SAMD12: variants seen among roughly 807,000 people sequenced by gnomAD.
The protein encoded by SAMD12 is sterile alpha motif domain containing 12.
Under a neutral mutation model 15.0 loss-of-function variants are expected in SAMD12, and 9 were observed. That is an observed-to-expected ratio of 0.60 (90% CI 0.36 to 1.05). The LOEUF (loss-of-function observed/expected upper bound fraction) is 1.05, where lower values mean the gene tolerates loss of function less well. Among genes scored for constraint, SAMD12 ranks in the 50% least tolerant of loss-of-function variants. The pLI is 0.01. For missense variants in SAMD12, 230 were observed against 234.2 expected, an observed-to-expected ratio of 0.98 and a Z score of 0.12; for synonymous variants, 86 against 90.1, an observed-to-expected ratio of 0.96 and a Z score of 0.25.
At chr8:118,190,742 C>T (rs1586325473) in exon 5 of SAMD12, 2 of 152,272 alleles carry the variant, frequency 1.3e-5, no homozygotes, top group Middle Eastern at 3.4e-3. Context: ...CTCATTTTAG[C>T]CTCCAAACAA....
intron 4 of SAMD12, among the ~76,000 whole-genome samples, chr8:118,366,149 A>G (rs1430095086): frequency 6.6e-6 from 1 of 152,202 alleles, no homozygotes; most frequent in Non-Finnish European, 1.5e-5. Context: ...ACCTCTCTAG[A>G]GCTCTTAACA....
intron 2 of SAMD12, among the ~76,000 whole-genome samples, chr8:118,468,145 A>T (rs1419335508): frequency 6.6e-6 from 1 of 152,216 alleles, no homozygotes; most frequent in African/African-American, 2.4e-5. Flanking sequence ...CCCTAGCACA[A>T]GAAGTATATA....
At chr8:118,269,936 C>T (rs181696181) in intron 4 of SAMD12, among the ~76,000 whole-genome samples, 1 of 152,272 alleles carries the variant, frequency 6.6e-6, no homozygotes, top group African/African-American at 2.4e-5. Flanking sequence ...ATAGTCATAT[C>T]TCATCTGTGC....
At chr8:118,297,741 T>C (rs564176767) in intron 4 of SAMD12, among the ~76,000 whole-genome samples, 17 of 152,184 alleles carry the variant, frequency 1.1e-4, no homozygotes, top group Non-Finnish European at 2.2e-4. Flanking sequence ...ATATGGATTC[T>C]CTAAAATGTT....
At chr8:118,242,273 G>T (rs1321492867) in intron 4 of SAMD12, among the ~76,000 whole-genome samples, 1 of 151,918 alleles carries the variant, frequency 6.6e-6, no homozygotes, top group African/African-American at 2.4e-5. Context: ...AGGAACTGAA[G>T]AAAGAAAGTT....
chr8:118,546,844 G>C (rs1381878081), intron 2 of SAMD12, among the ~76,000 whole-genome samples: 1 of 152,146 alleles, frequency 6.6e-6, no homozygotes, highest in Non-Finnish European at 1.5e-5. Context: ...TTGGTGCCTG[G>C]AAGAGAACAG....
intron 4 of SAMD12, among the ~76,000 whole-genome samples, chr8:118,199,971 C>G (rs1819666977): frequency 6.6e-6 from 1 of 152,130 alleles, no homozygotes; most frequent in African/African-American, 2.4e-5. Context: ...GTGGGGAGAA[C>G]CCGGTGGGAG....
At chr8:118,320,904 C>A (rs1468541802) in intron 4 of SAMD12, among the ~76,000 whole-genome samples, 3 of 147,950 alleles carry the variant, frequency 2.0e-5, no homozygotes, top group Non-Finnish European at 4.5e-5. Context: ...GAAATAATAC[C>A]ATATTTGGAA....
In SAMD12 at chr8:118,348,134, C is replaced by T. The variant is rs567924218; in HGVS notation, c.433+31426G>A. Among the ~76,000 whole-genome samples the T allele has an allele frequency of 7.2e-5, 11 of 152,002 alleles. No individual in the cohort carries two copies. The East Asian group carries it at 7.8e-4, about 11-fold the overall frequency. ...ATCTGTGGCCCAGGCTGGAGTGCAA[C>T]GGTGCCCTCTCGGCTCACTGCAGCC... On this transcript the variant is annotated intron_variant, in intron 4 of 4. Transcript: ENST00000409003.
intron 4 of SAMD12, among the ~76,000 whole-genome samples, chr8:118,207,780 A>T (rs1344781684): frequency 1.3e-5 from 2 of 152,072 alleles, no homozygotes; most frequent in Non-Finnish European, 2.9e-5. Context: ...CTGTTGACTG[A>T]TCCAACAGAT....
At chr8:118,333,168 G>C (rs549156535) in intron 4 of SAMD12, among the ~76,000 whole-genome samples, 2 of 152,276 alleles carry the variant, frequency 1.3e-5, no homozygotes, top group South Asian at 2.1e-4. Context: ...TTCCTGGTGG[G>C]AGAGACCCTA....
intron 3 of SAMD12, among the ~76,000 whole-genome samples, chr8:118,423,365 G>T (rs1289464922): frequency 6.6e-6 from 1 of 152,186 alleles, no homozygotes; most frequent in Non-Finnish European, 1.5e-5. Context: ...CTGAGGCCCT[G>T]AAGTGGTGAG....
chr8:118,513,868 T>C (rs536845034), intron 2 of SAMD12, among the ~76,000 whole-genome samples: 6 of 152,304 alleles, frequency 3.9e-5, no homozygotes, highest in South Asian at 2.1e-4. Flanking sequence ...GTGGGAATCA[T>C]TGCTAACCAA....
the SAMD12 span, among the ~76,000 whole-genome samples, chr8:118,157,017 G>A: frequency 2.6e-5 from 4 of 152,200 alleles, no homozygotes; most frequent in Admixed American, 6.5e-5. Flanking sequence ...TACACAGCCA[G>A]TAAATACACA....
At chr8:118,154,589 G>A in the SAMD12 span, among the ~76,000 whole-genome samples, 6 of 152,136 alleles carry the variant, frequency 3.9e-5, no homozygotes, top group Admixed American at 6.6e-5. Context: ...GAAGCACTTA[G>A]CCTGGAAGTT....
At chr8:118,234,132 G>T (rs1260973974) in intron 4 of SAMD12, among the ~76,000 whole-genome samples, 1 of 152,126 alleles carries the variant, frequency 6.6e-6, no homozygotes, top group Non-Finnish European at 1.5e-5. Flanking sequence ...AATTAGGGGA[G>T]AATTATTTTC....
chr8:118,535,979 C>T (rs756514845), intron 2 of SAMD12, among the ~76,000 whole-genome samples: 23 of 152,310 alleles, frequency 1.5e-4, no homozygotes, highest in Non-Finnish European at 3.2e-4. Flanking sequence ...CAACAAACCC[C>T]AGTGAGATGA....
the SAMD12 span, among the ~76,000 whole-genome samples, chr8:118,154,172 A>G: frequency 6.6e-6 from 1 of 152,096 alleles, no homozygotes; most frequent in Admixed American, 6.6e-5. Flanking sequence ...ATACACACAC[A>G]TACAATAAAG....
At chr8:118,383,319 CTAAGA>C (rs1472029399) in intron 3 of SAMD12, among the ~76,000 whole-genome samples, 1 of 152,042 alleles carries the variant, frequency 6.6e-6, no homozygotes, top group Non-Finnish European at 1.5e-5. Context: ...GTGATGAATG[CTAAGA>C]AAGGCAAATA....
Sources: gnomAD v4.1 joint callset for allele counts (sites outside exome capture counted in the v4.1 genomes callset) on GRCh38, gnomAD v4.1.1 for gene constraint, MANE v1.5 for transcripts, NCBI Gene and HGNC (gene_info 2026-07-23, HGNC 2026-07-21) for gene names.